SNX5: variants seen among roughly 807,000 people sequenced by gnomAD.
The protein encoded by SNX5 is sorting nexin 5.
A neutral mutation model predicts 53.9 loss-of-function variants in SNX5; 31 were observed. The observed-to-expected ratio is 0.58, with a 90% CI of 0.43 to 0.78. The LOEUF is 0.78. SNX5 is among the 30% of genes least tolerant of loss of function. SNX5 has a pLI of 0.00. For missense variants in SNX5, 471 were observed against 478.8 expected (o/e 0.98, Z 0.15); for synonymous variants, 168 against 171.1 (o/e 0.98, Z 0.14).
In SNX5 at chr20:17,955,452, G is replaced by A. The variant is rs770945924; in HGVS notation, c.180C>T (p.Ser60=). Reference sequence around the variant, plus strand: ...GTTGCCTTGTAACAGAAAACTCTGGGCTCTGAAACGTGGGCAGTGTGGTCT... The same window carrying A: ...GTTGCCTTGTAACAGAAAACTCTGGACTCTGAAACGTGGGCAGTGTGGTCT... ...HTKTTLPTFQ[S]PEFSVTRQHE... The change falls in exon 3 of 13, where the codon AGC becomes AGT. Residue 60 remains serine (S), a synonymous_variant. Coordinates refer to ENST00000377759, the MANE Select transcript of SNX5 (RefSeq NM_014426.4). 3 of 1,614,008 alleles carry A rather than the reference G, an allele frequency of 1.9e-6. No individual in the cohort carries two copies. In the Admixed American group the frequency reaches 5.0e-5, roughly 27 times the overall value.
chr20:17,961,325 G>C (rs17802478), intron 1 of SNX5: 77,263 of 985,346 alleles, frequency 0.078, 3,325 homozygotes, highest in Middle Eastern at 0.092. Context: ...GCACCTGGAT[G>C]ACTGAACAAC....
intron 6 of SNX5, among the ~76,000 whole-genome samples, chr20:17,950,761 G>C (rs1453953125): frequency 7.2e-5 from 11 of 152,184 alleles, no homozygotes; most frequent in Non-Finnish European, 1.6e-4. Flanking sequence ...GTTTCAGACT[G>C]GGAGGAAATC....
At chr20:17,964,330 T>TTA (rs11473033) in intron 1 of SNX5, among the ~76,000 whole-genome samples, 41,297 of 151,882 alleles carry the variant, frequency 0.27, 5,926 homozygotes, top group East Asian at 0.44. Flanking sequence ...AGGCAGAAAA[T>TTA]TAGTTTTCTC....
At chr20:17,967,887 G>A (rs2035578869) in intron 1 of SNX5, 3 of 396,774 alleles carry the variant, frequency 7.6e-6, no homozygotes, top group African/African-American at 2.1e-5. Flanking sequence ...AAAGTTGTAA[G>A]CAGCATGTTC....
chr20:17,967,993 C>A (rs1010897420), intron 1 of SNX5: 3 of 397,832 alleles, frequency 7.5e-6, no homozygotes, highest in African/African-American at 4.1e-5. Flanking sequence ...TTGGGGGCAA[C>A]AAACCAAACT....
intron 2 of SNX5, 99 bp from the exon 3 acceptor site, chr20:17,955,574 A>G: frequency 2.7e-6 from 2 of 730,426 alleles, no homozygotes; most frequent in Non-Finnish European, 4.8e-6. Context: ...ATAATACATC[A>G]TAATATGATC....
Position 17,967,511 on chromosome 20 carries a change from T to G in SNX5, c.51+864A>C, listed in dbSNP as rs375308925. On this transcript the variant is annotated intron_variant, in intron 1 of 12. Transcript: ENST00000377759. Reference sequence around the variant, plus strand: ...GGTGCCTTTAACTTCTCAAGAAATGTGTAAGTTAAGACGGCTCCAAATTAC... The same window carrying G: ...GGTGCCTTTAACTTCTCAAGAAATGGGTAAGTTAAGACGGCTCCAAATTAC... Among the ~76,000 whole-genome samples the G allele has an allele frequency of 5.4e-4, 82 of 152,342 alleles. 3 individuals carry two copies. In the East Asian group the frequency reaches 0.014, roughly 25 times the overall value.
rs564568349 is a variant in SNX5, at chr20:17,950,095, A to G, written c.791+37T>C. ...TAATTACACCACTCGGCACTCTTCAATTGGGTTAGGGGAAATGCTTTTCCA... is the reference window on the plus strand; with the variant it reads ...TAATTACACCACTCGGCACTCTTCAGTTGGGTTAGGGGAAATGCTTTTCCA... On this transcript the variant is annotated intron_variant, in intron 8 of 12. Transcript: ENST00000377759. 2.1e-5 allele frequency: 34 copies of G among 1,581,836 alleles called. No homozygotes were observed. In the East Asian group the frequency reaches 3.1e-4, roughly 15 times the overall value.
intron 1 of SNX5, among the ~76,000 whole-genome samples, chr20:17,965,105 G>C (rs1713865372): frequency 6.6e-6 from 1 of 152,152 alleles, no homozygotes. Context: ...AGCACACAAA[G>C]ACTAGCTTCT....
intron 1 of SNX5, among the ~76,000 whole-genome samples, chr20:17,963,853 T>A (rs1378587491): frequency 2.0e-5 from 3 of 152,194 alleles, no homozygotes; most frequent in Non-Finnish European, 4.4e-5. Flanking sequence ...CAGTTTGAAA[T>A]ACAAATGGCA....
intron 11 of SNX5, chr20:17,944,572 A>C (rs1486173099): frequency 6.6e-6 from 1 of 151,920 alleles, no homozygotes; most frequent in Non-Finnish European, 1.5e-5. Flanking sequence ...TTGAGACGGA[A>C]TCTTGCTCTG....
chr20:17,949,450 C>T (rs2039533566), intron 8 of SNX5, among the ~76,000 whole-genome samples: 1 of 152,204 alleles, frequency 6.6e-6, no homozygotes. Context: ...TTTAATTCGT[C>T]ATGGTTCTGC....
chr20:17,942,151 A>T lies in SNX5; in HGVS notation c.*206T>A, dbSNP rs1411342318. Reference sequence around the variant, plus strand: ...TCTGCCCAGAGGTATTAAATGCACAAGGAAAAATTAGTTATGTCCAAGTAG... The same window carrying T: ...TCTGCCCAGAGGTATTAAATGCACATGGAAAAATTAGTTATGTCCAAGTAG... On this transcript the variant is annotated 3_prime_UTR_variant, in exon 13 of 13. Coordinates refer to ENST00000377759, the MANE Select transcript of SNX5 (RefSeq NM_014426.4). 1.8e-6 allele frequency: 1 copy of T among 552,508 alleles called. No homozygotes were observed. The highest frequency in any genetic ancestry group is 1.9e-5 in the African/African-American group (1 of 52,626). 34.2% of individuals were successfully genotyped at this position (552,508 alleles called of 1,614,324 possible).
intron 1 of SNX5, chr20:17,963,023 T>C (rs1237516724): frequency 2.6e-6 from 1 of 388,708 alleles, no homozygotes; most frequent in African/African-American, 2.1e-5. Flanking sequence ...CTAATGCATG[T>C]CAAGAAATCC....
At chr20:17,942,911 AAGTTG>A in intron 12 of SNX5, 194 bp downstream of exon 12, 1 of 459,090 alleles carries the variant, frequency 2.2e-6, no homozygotes, top group South Asian at 3.2e-5. Flanking sequence ...AAAAAAAAAA[AAGTTG>A]CTAAAAATTA....
At chr20:17,953,079 CA>C (rs1475435941) in intron 4 of SNX5, among the ~76,000 whole-genome samples, 1 of 152,174 alleles carries the variant, frequency 6.6e-6, no homozygotes, top group Non-Finnish European at 1.5e-5. Flanking sequence ...TAAAAGTTAA[CA>C]AAAATTACAA....
rs1600326907 is a variant in SNX5, at chr20:17,941,655, A to G, written c.*702T>C. 6.6e-6 allele frequency: 1 copy of G among 152,282 alleles called. No individual in the cohort carries two copies. The highest frequency in any genetic ancestry group is 3.4e-3 in the Middle Eastern group (1 of 294). The allele number at this position is 152,282 out of a possible 1,614,324, so 9.4% of individuals were successfully genotyped here. A position where few individuals can be genotyped will look rare whatever the true frequency, so the allele number is the denominator to read the frequency against. On this transcript the variant is annotated 3_prime_UTR_variant, in exon 13 of 13. Transcript: ENST00000377759. Reference sequence around the variant, plus strand: ...TATAAAAAAACAAACACCCAAAGACATACAACACACCGCCCTCACCCCCCA... The same window carrying G: ...TATAAAAAAACAAACACCCAAAGACGTACAACACACCGCCCTCACCCCCCA...
intron 3 of SNX5, among the ~76,000 whole-genome samples, chr20:17,955,021 C>T (rs2035328551): frequency 6.6e-6 from 1 of 152,186 alleles, no homozygotes; most frequent in African/African-American, 2.4e-5. Context: ...TTTGAGAAAT[C>T]TTATCACAAA....
intron 1 of SNX5, among the ~76,000 whole-genome samples, chr20:17,960,587 T>G (rs1464812908): frequency 6.9e-6 from 1 of 144,458 alleles, no homozygotes; most frequent in African/African-American, 2.6e-5. Flanking sequence ...AGAGCGAAAC[T>G]CCGTCTTAAA....
Sources: gnomAD v4.1 joint callset for allele counts (sites outside exome capture counted in the v4.1 genomes callset) on GRCh38, gnomAD v4.1.1 for gene constraint, MANE v1.5 for transcripts, NCBI Gene and HGNC (gene_info 2026-07-23, HGNC 2026-07-21) for gene names.